CACNA1B: variants seen among roughly 807,000 people sequenced by gnomAD.
CACNA1B encodes voltage-dependent N-type calcium channel subunit alpha-1B.
A neutral mutation model predicts 247.2 loss-of-function variants in CACNA1B; 70 were observed. The ratio of observed to expected loss-of-function variants is 0.28; its 90% CI spans 0.23 to 0.35. The LOEUF is 0.35. Among genes scored for constraint, CACNA1B ranks in the 10% least tolerant of loss-of-function variants. The probability of loss-of-function intolerance (pLI) is 1.00; values close to 1 mark genes in which losing one functional copy is unlikely to be tolerated. For missense variants in CACNA1B, 2,367 were observed against 3,197.4 expected (o/e 0.74, Z 6.26); for synonymous variants, 1,231 against 1,294.4 (o/e 0.95, Z 1.05).
At position 138,058,506 on chromosome 9, in the gene CACNA1B, C is replaced by A; in HGVS notation, c.4309-63C>A. ...AGGCCTGGCGAGACAGGGCTGGGTG[C>A]AGTAGATGCCGTCGGGTAGGTTTTC... On this transcript the variant is annotated intron_variant, in intron 28 of 46. Transcript: ENST00000371372. The surrounding 1 kb of genome is among the most constrained non-coding windows in gnomAD (Gnocchi z 4.7). 1 of 1,438,274 alleles carries A rather than the reference C, an allele frequency of 7.0e-7. No individual in the cohort carries two copies. The highest frequency in any genetic ancestry group is 9.5e-7 in the Non-Finnish European group (1 of 1,048,030). 89.1% of individuals were successfully genotyped at this position (1,438,274 alleles called of 1,614,324 possible).
intron 3 of CACNA1B, among the ~76,000 whole-genome samples, chr9:137,894,501 T>C (rs1211211439): frequency 1.3e-5 from 2 of 151,804 alleles, no homozygotes; most frequent in Non-Finnish European, 2.9e-5. Context: ...TGCAAGCCCC[T>C]GGGTTCACGC....
At chr9:138,028,125 C>T (rs893140926) in intron 20 of CACNA1B, among the ~76,000 whole-genome samples, 1 of 145,428 alleles carries the variant, frequency 6.9e-6, no homozygotes, top group Non-Finnish European at 1.5e-5. Context: ...CAGGTTCAAG[C>T]AATTCTCCTT....
At chr9:138,000,971 T>TA (rs1290296233) in intron 15 of CACNA1B, among the ~76,000 whole-genome samples, 1 of 152,206 alleles carries the variant, frequency 6.6e-6, no homozygotes, top group African/African-American at 2.4e-5. Flanking sequence ...TGTGTCTCCT[T>TA]AAAAATATGC....
rs1589074903 is a variant in CACNA1B, at chr9:138,023,382, G to A, written c.2639G>A (p.Gly880Asp). 7.3e-7 allele frequency: 1 copy of A among 1,376,904 alleles called. No individual in the cohort carries two copies. Among genetic ancestry groups the A allele is most frequent in the South Asian group, 1.7e-5 (1 of 59,234 alleles). 85.3% of individuals were successfully genotyped at this position (1,376,904 alleles called of 1,614,324 possible). ...EAPKAESGEP[G>D]AREERPRPHR... Reference sequence around the variant, plus strand: ...CCGAAGGCGGAGAGCGGGGAGCCCGGTGCCCGGGAGGAGCGGCCGCGGCCG... The same window carrying A: ...CCGAAGGCGGAGAGCGGGGAGCCCGATGCCCGGGAGGAGCGGCCGCGGCCG... Residue 880 changes from glycine (G) to aspartate (D), a missense_variant, in exon 19 of 47, where the codon GGT becomes GAT. Gly to Asp is a moderately conservative substitution (Grantham distance 94). Around this residue, in one of 12 missense-constraint regions of CACNA1B, gnomAD observed 631 missense variants for 631.1 expected, o/e 1.00. Coordinates refer to ENST00000371372, the MANE Select transcript of CACNA1B (RefSeq NM_000718.4).
chr9:138,000,292 G>A (rs1408479877), intron 15 of CACNA1B, among the ~76,000 whole-genome samples: 1 of 152,026 alleles, frequency 6.6e-6, no homozygotes, highest in Non-Finnish European at 1.5e-5. Flanking sequence ...TAGAGACAGG[G>A]TTTCACCGTG....
intron 32 of CACNA1B, 142 bp downstream of exon 32, chr9:138,069,905 C>A: frequency 1.4e-6 from 1 of 732,288 alleles, no homozygotes; most frequent in Non-Finnish European, 2.5e-6. Flanking sequence ...CACCTCTGGC[C>A]TCCTGGACTT....
In CACNA1B at chr9:138,023,783, G is replaced by C. The variant is rs1554748998; in HGVS notation, c.3040G>C (p.Glu1014Gln). Reference protein sequence around the residue: ...KEAEIVEADKEKELRNHQPRE... With the variant: ...KEAEIVEADKQKELRNHQPRE... The stretch of plus-strand genomic sequence containing the variant: ...GGCTGAGATAGTGGAAGCCGACAAG[G>C]AAAAGGAGCTCCGGAACCACCAGCC... The change falls in exon 19 of 47, where the codon GAA (glutamate) becomes CAA (glutamine). Residue 1014 changes from glutamate to glutamine, a missense_variant. By Grantham distance (29) the Glu-to-Gln change is conservative (BLOSUM62 2). Transcript: ENST00000371372. 6.7e-7 allele frequency: 1 copy of C among 1,485,702 alleles called. No homozygotes were observed. The highest frequency in any genetic ancestry group is 9.2e-7 in the Non-Finnish European group (1 of 1,089,060). The allele number at this position is 1,485,702 out of a possible 1,614,324, so 92.0% of individuals were successfully genotyped here.
chr9:138,109,841 C>T (rs1961561988), intron 39 of CACNA1B, among the ~76,000 whole-genome samples: 1 of 152,122 alleles, frequency 6.6e-6, no homozygotes, highest in Non-Finnish European at 1.5e-5. Context: ...GAGGCCAAAG[C>T]AGGCGGATTA....
rs1392461142 is a variant in CACNA1B at position 137,917,429 on chromosome 9, A to G, written c.964A>G (p.Asn322Asp). ...TMEGWTDILY[N>D]TNDAAGNTWN... Reference sequence around the variant, plus strand: ...GGAGGGCTGGACTGACATCCTCTATAATGTGAGTGGCGTCTTGGCCCTGGG... The same window carrying G: ...GGAGGGCTGGACTGACATCCTCTATGATGTGAGTGGCGTCTTGGCCCTGGG... The change falls in exon 6 of 47, where the codon AAT becomes GAT. Residue 322 changes from asparagine (N) to aspartate (D), a missense_variant and splice_region_variant. Asn to Asp is a conservative substitution (Grantham distance 23). Coordinates refer to ENST00000371372, the MANE Select transcript of CACNA1B (RefSeq NM_000718.4). The surrounding 1 kb of genome is among the most constrained non-coding windows in gnomAD (Gnocchi z 5.5). 1 of 1,612,954 alleles carries G rather than the reference A, an allele frequency of 6.2e-7. No homozygotes were observed. The highest frequency in any genetic ancestry group is 8.5e-7 in the Non-Finnish European group (1 of 1,179,302).
intron 39 of CACNA1B, among the ~76,000 whole-genome samples, chr9:138,108,028 C>CA (rs781314090): frequency 0.035 from 3,117 of 88,548 alleles, 80 homozygotes; most frequent in African/African-American, 0.097. Context: ...CACCAGAGGA[C>CA]AAAAAAAAAA....
intron 10 of CACNA1B, among the ~76,000 whole-genome samples, chr9:137,962,276 T>G (rs1200136698): frequency 8.5e-5 from 13 of 152,076 alleles, no homozygotes; most frequent in African/African-American, 2.6e-4. Context: ...CTCTTCTCTT[T>G]TTTTTTAGTC....
At position 137,978,198 on chromosome 9, in the gene CACNA1B, C is replaced by CG. The variant is rs1564217954; in HGVS notation, c.1656+2179_1656+2180insG. Among the ~76,000 whole-genome samples, 4 of 137,514 alleles carry CG rather than the reference C, an allele frequency of 2.9e-5. No individual in the cohort carries two copies. The South Asian group carries it at 7.2e-4, about 25-fold the overall frequency. 90.2% of individuals were successfully genotyped at this position (137,514 alleles called of 152,430 possible). ...GTGACAGGTGGGAGCATTGCCCCCC[C>CG]CCAGGAAAGAGCAACGGGATCACTA... is the stretch of plus-strand genomic sequence containing the variant. On this transcript the variant is annotated intron_variant, in intron 12 of 46. Coordinates refer to ENST00000371372, the MANE Select transcript of CACNA1B (RefSeq NM_000718.4).
intron 16 of CACNA1B, 31 bp downstream of exon 16, chr9:138,006,915 G>A: frequency 1.6e-6 from 2 of 1,224,754 alleles, no homozygotes; most frequent in East Asian, 2.4e-5. Context: ...GGCAGAGGGT[G>A]GTCAGTGCTT....
At chr9:138,099,151 A>G (rs868125918) in intron 37 of CACNA1B, among the ~76,000 whole-genome samples, 11 of 152,380 alleles carry the variant, frequency 7.2e-5, no homozygotes, top group Middle Eastern at 3.4e-3. Flanking sequence ...ACATGTGTGC[A>G]TGTACATGGC....
intron 12 of CACNA1B, among the ~76,000 whole-genome samples, chr9:137,981,274 C>T (rs560106835): frequency 6.6e-6 from 1 of 152,230 alleles, no homozygotes; most frequent in South Asian, 2.1e-4. Context: ...TTGCTGAGAC[C>T]TTGCCATTAT....
chr9:137,903,881 TC>T (rs1336401503), intron 3 of CACNA1B, among the ~76,000 whole-genome samples: 1 of 152,226 alleles, frequency 6.6e-6, no homozygotes, highest in African/African-American at 2.4e-5. Context: ...TTCCTGGCTG[TC>T]CCTGTCTGGT....
chr9:137,999,801 G>A (rs1245598539), intron 15 of CACNA1B, among the ~76,000 whole-genome samples: 2 of 152,286 alleles, frequency 1.3e-5, no homozygotes, highest in East Asian at 3.9e-4. Context: ...GAGCCACAGA[G>A]CCTGGCTTAA....
chr9:138,112,292 T>A (rs1961666627), intron 39 of CACNA1B, 106 bp from the exon 40 acceptor site: 4 of 759,368 alleles, frequency 5.3e-6, no homozygotes, highest in African/African-American at 1.7e-5. Context: ...CATCTCCGCC[T>A]ACACCATTCA....
In CACNA1B at chr9:138,052,326, C is replaced by T. The variant is rs1474589944; in HGVS notation, c.3807+138C>T. The T allele has an allele frequency of 8.4e-6, 5 of 597,924 alleles. No homozygotes were observed. The highest frequency in any genetic ancestry group is 5.1e-5 in the Admixed American group (2 of 39,162). 37.0% of individuals were successfully genotyped at this position (597,924 alleles called of 1,614,324 possible). A position where few individuals can be genotyped will look rare whatever the true frequency, so the allele number is the denominator to read the frequency against. On this transcript the variant is annotated intron_variant, in intron 25 of 46. Coordinates refer to ENST00000371372, the MANE Select transcript of CACNA1B (RefSeq NM_000718.4). The surrounding 1 kb of genome is among the most constrained non-coding windows in gnomAD (Gnocchi z 5.1). The stretch of plus-strand genomic sequence containing the variant: ...CACCCCTGTGTGAGGGGGTTGGGCT[C>T]ACTCAGCTGTAAGCCCCCATTACCC...
Sources: allele counts gnomAD v4.1 joint callset (sites outside exome capture counted in the v4.1 genomes callset), GRCh38; gene constraint gnomAD v4.1.1; regional missense constraint gnomAD v4.1.1; non-coding constraint Gnocchi (gnomAD v3.1); transcripts MANE v1.5; gene names NCBI Gene and HGNC (gene_info 2026-07-23, HGNC 2026-07-21).